Variants in EPB41L5 observed in about 807,000 individuals in gnomAD.
EPB41L5 encodes erythrocyte membrane protein band 4.1 like 5.
EPB41L5 carries 55 observed loss-of-function variants against 106.6 expected under a neutral mutation model. The ratio of observed to expected loss-of-function variants is 0.52; its 90% CI spans 0.42 to 0.65. The LOEUF (loss-of-function observed/expected upper bound fraction) is 0.65. Among genes scored for constraint, EPB41L5 ranks in the 30% least tolerant of loss-of-function variants. The pLI is 0.00. For missense variants in EPB41L5, 871 were observed against 882.1 expected, an observed-to-expected ratio of 0.99 and a Z score of 0.16; for synonymous variants, 297 against 306.7, an observed-to-expected ratio of 0.97 and a Z score of 0.33.
At chr2:120,038,761 A>G (rs1195865970) in intron 2 of EPB41L5, among the ~76,000 whole-genome samples, 1 of 152,240 alleles carries the variant, frequency 6.6e-6, no homozygotes, top group African/African-American at 2.4e-5. Context: ...CTCAGAAAAA[A>G]TAAAAAATAT....
intron 5 of EPB41L5, 147 bp from the exon 6 acceptor site, chr2:120,075,329 T>A (rs946778652): frequency 3.0e-6 from 2 of 670,610 alleles, no homozygotes; most frequent in African/African-American, 1.8e-5. Flanking sequence ...ATTCAATTAT[T>A]TCATGTATCC....
intron 3 of EPB41L5, among the ~76,000 whole-genome samples, chr2:120,068,935 C>G (rs983858772): frequency 1.3e-5 from 2 of 151,672 alleles, no homozygotes; most frequent in Non-Finnish European, 2.9e-5. Flanking sequence ...CGAGACCAGC[C>G]TGACCAACAT....
intron 10 of EPB41L5, among the ~76,000 whole-genome samples, chr2:120,086,304 C>A (rs536996395): frequency 6.6e-6 from 1 of 152,196 alleles, no homozygotes; most frequent in African/African-American, 2.4e-5. Flanking sequence ...ATTAGTCAAT[C>A]GGAGTGTCAC....
chr2:120,150,026 G>T (rs764074949), intron 20 of EPB41L5, among the ~76,000 whole-genome samples: 2 of 151,762 alleles, frequency 1.3e-5, no homozygotes, highest in Non-Finnish European at 2.9e-5. Context: ...CTTAGTAGCA[G>T]GGACTACAGG....
chr2:120,114,033 T>C (rs1314877113), intron 16 of EPB41L5, among the ~76,000 whole-genome samples: 2 of 152,344 alleles, frequency 1.3e-5, no homozygotes, highest in South Asian at 2.1e-4. Context: ...TTGGGTCATA[T>C]AGTAACTCTA....
chr2:120,025,695 T>C (rs1678262057), intron 2 of EPB41L5, among the ~76,000 whole-genome samples: 1 of 152,192 alleles, frequency 6.6e-6, no homozygotes, highest in South Asian at 2.1e-4. Flanking sequence ...TTAAGGTTGG[T>C]AGGATGGCAG....
chr2:120,051,111 C>G (rs113862571), intron 3 of EPB41L5, among the ~76,000 whole-genome samples: 62 of 152,328 alleles, frequency 4.1e-4, no homozygotes, highest in African/African-American at 1.4e-3. Context: ...GGTCAGGGAC[C>G]CACTTGAGGC....
At chr2:120,042,204 T>C in intron 3 of EPB41L5, 94 bp downstream of exon 3, 1 of 890,498 alleles carries the variant, frequency 1.1e-6, no homozygotes, top group Non-Finnish European at 1.8e-6. Flanking sequence ...CTATTCTTGA[T>C]GTGTTATTGT....
chr2:120,019,412 A>G lies in EPB41L5; in HGVS notation c.180+148A>G, dbSNP rs17669093. 0.14 allele frequency: 93,311 copies of G among 646,562 alleles called. 8,205 individuals are homozygous for G. Among genetic ancestry groups the G allele is most frequent in the Middle Eastern group, 0.2 (500 of 2,536 alleles). 40.1% of individuals were successfully genotyped at this position (646,562 alleles called of 1,614,324 possible). A position where few individuals can be genotyped will look rare whatever the true frequency, so the allele number is the denominator to read the frequency against. On this transcript the variant is annotated intron_variant, in intron 2 of 24. Transcript: ENST00000263713. ...ATCAGGCACTGTAACATTCAGGTAC[A>G]TGGATCAGATAACCGTAGACCAAAA...
intron 10 of EPB41L5, among the ~76,000 whole-genome samples, chr2:120,086,584 A>G (rs1472113379): frequency 1.3e-5 from 2 of 152,094 alleles, no homozygotes; most frequent in Admixed American, 1.3e-4. Context: ...CAACGTAGCG[A>G]GATGCCGTCT....
intron 3 of EPB41L5, among the ~76,000 whole-genome samples, chr2:120,049,089 G>T (rs541122895): frequency 1.3e-5 from 2 of 152,288 alleles, no homozygotes; most frequent in South Asian, 4.1e-4. Flanking sequence ...CAACTATGTG[G>T]TCAGTTTTGG....
intron 3 of EPB41L5, among the ~76,000 whole-genome samples, chr2:120,044,360 A>G (rs1439341932): frequency 1.3e-5 from 2 of 152,200 alleles, no homozygotes. Flanking sequence ...TAGTAGGCAC[A>G]CAAAACATTT....
chr2:120,061,173 C>T (rs1681033211), intron 3 of EPB41L5, among the ~76,000 whole-genome samples: 1 of 148,764 alleles, frequency 6.7e-6, no homozygotes, highest in Non-Finnish European at 1.5e-5. Context: ...CTCGAGTAGC[C>T]AGGACTACAG....
chr2:120,064,435 C>T (rs748898879), intron 3 of EPB41L5, among the ~76,000 whole-genome samples: 1 of 152,072 alleles, frequency 6.6e-6, no homozygotes, highest in Non-Finnish European at 1.5e-5. Context: ...TGTTAACAGA[C>T]CATATTTAAC....
intron 2 of EPB41L5, among the ~76,000 whole-genome samples, chr2:120,034,548 C>T (rs150503129): frequency 2.2e-4 from 33 of 152,132 alleles, no homozygotes; most frequent in African/African-American, 8.0e-4. Flanking sequence ...TAGTGATTGC[C>T]ATTAGCAAAT....
At chr2:120,092,203 A>G (rs1683469806) in intron 13 of EPB41L5, among the ~76,000 whole-genome samples, 1 of 151,788 alleles carries the variant, frequency 6.6e-6, no homozygotes. Context: ...TCATTTTTGT[A>G]TTTTTAGTAG....
chr2:120,129,010 A>G (rs1185619127), intron 17 of EPB41L5, among the ~76,000 whole-genome samples: 4 of 152,198 alleles, frequency 2.6e-5, no homozygotes, highest in African/African-American at 9.7e-5. Context: ...AGATGGGAAC[A>G]TTAGACACTG....
chr2:120,118,265 A>G (rs186536308), intron 16 of EPB41L5, among the ~76,000 whole-genome samples: 4 of 152,370 alleles, frequency 2.6e-5, no homozygotes, highest in Admixed American at 2.6e-4. Context: ...GAAATTCATC[A>G]TGGTGCTGAG....
chr2:120,042,050 C>T lies in EPB41L5; in HGVS notation c.225C>T (p.His75=), dbSNP rs780093949. Residue 75 remains histidine, a synonymous_variant, in exon 3 of 25, where the codon CAC becomes CAT. Coordinates refer to ENST00000263713, the MANE Select transcript of EPB41L5 (RefSeq NM_020909.4). ...GQELFDQIMY[H]LDLIESDYFG... ...AGTTGTTTGATCAGATTATGTACCACCTGGACCTGATTGAAAGCGACTATT... is the reference window on the plus strand; with the variant it reads ...AGTTGTTTGATCAGATTATGTACCATCTGGACCTGATTGAAAGCGACTATT... 4.3e-6 allele frequency: 7 copies of T among 1,613,592 alleles called. No individual in the cohort carries two copies. The Admixed American group carries it at 1.2e-4, about 27-fold the overall frequency.
Sources: allele counts gnomAD v4.1 joint callset (sites outside exome capture counted in the v4.1 genomes callset), GRCh38; gene constraint gnomAD v4.1.1; transcripts MANE v1.5; gene names NCBI Gene and HGNC (gene_info 2026-07-23, HGNC 2026-07-21).